ADAMTS17: variants seen among roughly 807,000 people sequenced by gnomAD.
ADAMTS17 encodes ADAM metallopeptidase with thrombospondin type 1 motif 17.
ADAMTS17 carries 113 observed loss-of-function variants against 141.5 expected under a neutral mutation model. The ratio of observed to expected loss-of-function variants is 0.80; its 90% CI spans 0.69 to 0.93. ADAMTS17 has a LOEUF of 0.93. Ranked by LOEUF, ADAMTS17 falls within the 40% of genes least tolerant of loss-of-function variation. The probability of loss-of-function intolerance (pLI) is 0.00; values close to 1 mark genes in which losing one functional copy is unlikely to be tolerated. For synonymous variants in ADAMTS17, 768 were observed against 630.6 expected (o/e 1.22, Z -3.27); for missense variants, 1,659 against 1,517.9 (o/e 1.09, Z -1.54).
At chr15:100,274,496 T>C (rs982569350) in intron 4 of ADAMTS17, among the ~76,000 whole-genome samples, 1 of 152,214 alleles carries the variant, frequency 6.6e-6, no homozygotes, top group East Asian at 1.9e-4. Flanking sequence ...CTGCTCTCTT[T>C]TGGTTACAAT....
intron 7 of ADAMTS17, among the ~76,000 whole-genome samples, chr15:100,220,352 T>C (rs1596306210): frequency 6.7e-6 from 1 of 149,102 alleles, no homozygotes; most frequent in Non-Finnish European, 1.5e-5. Flanking sequence ...ATGCTTTTCT[T>C]GTCTTTGCCA....
chr15:100,087,506 G>C (rs1444905264), intron 15 of ADAMTS17, among the ~76,000 whole-genome samples: 4 of 152,186 alleles, frequency 2.6e-5, no homozygotes. Flanking sequence ...GCATCATCCT[G>C]ATACCAAAGC....
intron 18 of ADAMTS17, among the ~76,000 whole-genome samples, chr15:99,999,269 T>C (rs1162716966): frequency 6.6e-6 from 1 of 152,100 alleles, no homozygotes; most frequent in Non-Finnish European, 1.5e-5. Flanking sequence ...ATAGCATCTA[T>C]AACAAATATA....
chr15:100,262,285 C>T, intron 5 of ADAMTS17, 67 bp downstream of exon 5: 6 of 1,430,328 alleles, frequency 4.2e-6, no homozygotes, highest in South Asian at 1.2e-5. Context: ...TAGCATTCAA[C>T]AGCAGTTGAG....
At chr15:100,195,437 G>A (rs1417418249) in intron 8 of ADAMTS17, among the ~76,000 whole-genome samples, 1 of 152,190 alleles carries the variant, frequency 6.6e-6, no homozygotes, top group African/African-American at 2.4e-5. Context: ...CGGGCAAGAA[G>A]CTTTTAAAAT....
rs1491274374 is a variant in ADAMTS17 at position 100,140,507 on chromosome 15, A to ATATATATATATATATATATATATC, written c.1474-7193_1474-7192insGATATATATATATATATATATATA. 1.4e-5 allele frequency among the ~76,000 whole-genome samples: 2 copies of ATATATATATATATATATATATATC among 139,890 alleles called. 1 individual carries two copies. The highest frequency in any genetic ancestry group is 5.2e-5 in the African/African-American group (2 of 38,576). 91.8% of individuals were successfully genotyped at this position (139,890 alleles called of 152,430 possible). ...TACATACATATATATATATATATAT[A>ATATATATATATATATATATATATC]TCCAGTAAAGACGTGTGGAATGTAT... On this transcript the variant is annotated intron_variant, in intron 10 of 21. Transcript: ENST00000268070.
rs2032326054 is a variant in ADAMTS17, at chr15:100,053,758, G to C, written c.2295+139C>G. 4.1e-6 allele frequency: 5 copies of C among 1,227,470 alleles called. No individual in the cohort carries two copies. In the East Asian group the frequency reaches 9.3e-5, roughly 23 times the overall value. 76.0% of individuals were successfully genotyped at this position (1,227,470 alleles called of 1,614,324 possible). A position where few individuals can be genotyped will look rare whatever the true frequency, so the allele number is the denominator to read the frequency against. On this transcript the variant is annotated intron_variant, in intron 16 of 21. Transcript: ENST00000268070. ...CCCAGAGAGGGGAGAGGACTGAGCAGCAGGGGACGGCATAAACCCCTGGAA... is the reference window on the plus strand; with the variant it reads ...CCCAGAGAGGGGAGAGGACTGAGCACCAGGGGACGGCATAAACCCCTGGAA...
At chr15:100,084,575 T>G (rs949061321) in intron 15 of ADAMTS17, among the ~76,000 whole-genome samples, 5 of 152,184 alleles carry the variant, frequency 3.3e-5, no homozygotes, top group Non-Finnish European at 7.3e-5. Context: ...CCGAGTAGCC[T>G]AAATGGGAGG....
chr15:100,156,305 G>A (rs1251718646), intron 8 of ADAMTS17, among the ~76,000 whole-genome samples: 1 of 152,098 alleles, frequency 6.6e-6, no homozygotes, highest in East Asian at 1.9e-4. Flanking sequence ...GCCTAATGGT[G>A]GTGTCTCCCC....
At chr15:100,058,529 A>C (rs1207648038) in intron 15 of ADAMTS17, among the ~76,000 whole-genome samples, 2 of 152,232 alleles carry the variant, frequency 1.3e-5, no homozygotes, top group African/African-American at 2.4e-5. Flanking sequence ...CTGGGAAGTC[A>C]AGAGTGAAAA....
chr15:100,313,211 C>A (rs187157513), intron 3 of ADAMTS17, among the ~76,000 whole-genome samples: 1 of 152,106 alleles, frequency 6.6e-6, no homozygotes, highest in African/African-American at 2.4e-5. Context: ...GAAAATAACA[C>A]ACACACACAA....
chr15:100,103,277 C>T (rs11852716), intron 14 of ADAMTS17, among the ~76,000 whole-genome samples: 8,759 of 152,272 alleles, frequency 0.058, 671 homozygotes, highest in African/African-American at 0.17. Flanking sequence ...TGCAGGGTCA[C>T]GGTGCAGGGA....
At chr15:100,152,472 A>G in intron 10 of ADAMTS17, 140 bp downstream of exon 10, 1 of 1,110,610 alleles carries the variant, frequency 9.0e-7, no homozygotes, top group Non-Finnish European at 1.3e-6. Flanking sequence ...GTGTGTGTGC[A>G]TATACATGTA....
Position 99,981,755 on chromosome 15 carries a change from A to G in ADAMTS17, c.2950-5533T>C, listed in dbSNP as rs572053817. ...GGTTTCTGGGACTAATTTTCCTTTT[A>G]GTGTGTTCTATAGTAAGAGCTACTT... is the stretch of plus-strand genomic sequence containing the variant. On this transcript the variant is annotated intron_variant, in intron 20 of 21. Coordinates refer to ENST00000268070, the MANE Select transcript of ADAMTS17 (RefSeq NM_139057.4). Among the ~76,000 whole-genome samples, 32 of 152,286 alleles carry G rather than the reference A, an allele frequency of 2.1e-4. No individual in the cohort carries two copies. In the South Asian group the frequency reaches 3.9e-3, roughly 19 times the overall value.
intron 8 of ADAMTS17, among the ~76,000 whole-genome samples, chr15:100,178,455 G>A (rs1233319355): frequency 6.6e-6 from 1 of 152,136 alleles, no homozygotes; most frequent in African/African-American, 2.4e-5. Context: ...ATAATGCACT[G>A]CCTTAAGTGT....
rs560980408 is a variant in ADAMTS17 at position 100,013,258 on chromosome 15, C to A, written c.2592-15669G>T. On this transcript the variant is annotated intron_variant, in intron 18 of 21. Transcript: ENST00000268070. ...TTGTTTCTGGAAACTTTGCTGAATT[C>A]TTTGATCAGTTCTAGGAGCTTTCTG... Among the ~76,000 whole-genome samples the A allele has an allele frequency of 7.2e-5, 11 of 152,220 alleles. No homozygotes were observed. The South Asian group carries it at 1.0e-3, about 14-fold the overall frequency.
chr15:100,226,448 A>C (rs2042316274), intron 7 of ADAMTS17, among the ~76,000 whole-genome samples: 1 of 152,258 alleles, frequency 6.6e-6, no homozygotes, highest in South Asian at 2.1e-4. Flanking sequence ...ACCATAATAC[A>C]ATCAGAAGCA....
rs185993984 is a variant in ADAMTS17 at position 100,249,949 on chromosome 15, C to A, written c.1075+4187G>T. Among the ~76,000 whole-genome samples the A allele has an allele frequency of 4.2e-3, 644 of 152,292 alleles. 3 individuals are homozygous for A. Among genetic ancestry groups the A allele is most frequent in the Non-Finnish European group, 5.7e-3 (389 of 68,034 alleles). On this transcript the variant is annotated intron_variant, in intron 7 of 21. Coordinates refer to ENST00000268070, the MANE Select transcript of ADAMTS17 (RefSeq NM_139057.4). ...ACTGGAGGGCTGATCGCCTTCTTCA[C>A]CTCAATCTGAGTTATGGTTTCAAGA...
At chr15:100,285,766 T>C (rs538555064) in intron 3 of ADAMTS17, among the ~76,000 whole-genome samples, 1 of 152,138 alleles carries the variant, frequency 6.6e-6, no homozygotes, top group South Asian at 2.1e-4. Flanking sequence ...CCAGCCTGTG[T>C]GGAGCCCAGA....
Sources: gnomAD v4.1 joint callset for allele counts (sites outside exome capture counted in the v4.1 genomes callset) on GRCh38, gnomAD v4.1.1 for gene constraint, MANE v1.5 for transcripts, NCBI Gene and HGNC (gene_info 2026-07-23, HGNC 2026-07-21) for gene names.